The following POLK variants were observed in gnomAD, a reference collection of about 807,000 sequenced individuals.
POLK encodes DNA polymerase kappa.
POLK carries 76 observed loss-of-function variants against 94.0 expected under a neutral mutation model. That is an observed-to-expected ratio of 0.81 (90% confidence interval 0.67 to 0.98). The LOEUF (loss-of-function observed/expected upper bound fraction) is 0.98. Ranked by LOEUF, POLK falls within the 50% of genes least tolerant of loss-of-function variation. The pLI is 0.00. For missense variants in POLK, 954 were observed against 1,010.1 expected (o/e 0.94, Z 0.75); for synonymous variants, 349 against 325.4 (o/e 1.07, Z -0.78).
chr5:75,544,281 G>A (rs557091238), intron 1 of POLK, among the ~76,000 whole-genome samples: 3 of 152,246 alleles, frequency 2.0e-5, no homozygotes, highest in Non-Finnish European at 4.4e-5. Context: ...CAGCTATTTC[G>A]GAGGCTGAGG....
chr5:75,555,459 A>T (rs1163542089), intron 3 of POLK, among the ~76,000 whole-genome samples: 1 of 151,832 alleles, frequency 6.6e-6, no homozygotes, highest in Admixed American at 6.6e-5. Flanking sequence ...AAATGTATGC[A>T]TTTACATTTC....
chr5:75,555,232 G>T (rs915761522), intron 3 of POLK, among the ~76,000 whole-genome samples: 3 of 152,010 alleles, frequency 2.0e-5, no homozygotes, highest in Non-Finnish European at 4.4e-5. Flanking sequence ...GTACAGTGAG[G>T]TGCATCCACC....
chr5:75,523,988 G>C (rs1768711004), intron 1 of POLK, among the ~76,000 whole-genome samples: 1 of 152,104 alleles, frequency 6.6e-6, no homozygotes, highest in Non-Finnish European at 1.5e-5. Flanking sequence ...AAATTAGCCA[G>C]ATGTGCTGGC....
the POLK span, among the ~76,000 whole-genome samples, chr5:75,606,821 C>T: frequency 1.3e-5 from 2 of 152,144 alleles, no homozygotes; most frequent in Non-Finnish European, 2.9e-5. Context: ...TCAGCCTTGG[C>T]ACTGGTTGGA....
At chr5:75,589,141 GCA>G in intron 10 of POLK, among the ~76,000 whole-genome samples, 1 of 152,046 alleles carries the variant, frequency 6.6e-6, no homozygotes, top group African/African-American at 2.4e-5. Flanking sequence ...GTTACTCACT[GCA>G]TTTTTTATGA....
At chr5:75,593,427 T>A (rs1192145081) in intron 11 of POLK, among the ~76,000 whole-genome samples, 3 of 152,234 alleles carry the variant, frequency 2.0e-5, no homozygotes, top group African/African-American at 7.2e-5. Flanking sequence ...GGCCTCTTAT[T>A]CTTTATGATA....
In POLK at chr5:75,596,220, A is replaced by G. The variant is rs967939812; in HGVS notation, c.1529-2A>G. 1 of 1,504,310 alleles carries G rather than the reference A, an allele frequency of 6.6e-7. No individual in the cohort carries two copies. The highest frequency in any genetic ancestry group is 9.1e-7 in the Non-Finnish European group (1 of 1,097,950). 93.2% of individuals were successfully genotyped at this position (1,504,310 alleles called of 1,614,324 possible). On this transcript the variant is annotated splice_acceptor_variant, in intron 12 of 14. Coordinates refer to ENST00000241436, the Ensembl canonical transcript of POLK. LOFTEE classifies it high-confidence loss of function. ...AAATTGATTGTGATTGGTTTAATTT[A>G]GGTGTTCGGATATCTAGTTTTCCCA... is the stretch of plus-strand genomic sequence containing the variant.
rs201162116 is a variant in POLK, at chr5:75,552,463, C to T, written c.136-9C>T. The T allele has an allele frequency of 1.9e-6, 3 of 1,606,466 alleles. No homozygotes were observed. Among genetic ancestry groups the T allele is most frequent in the Non-Finnish European group, 2.5e-6 (3 of 1,177,450 alleles). ...TTTTTCTTATGCTTTGTTTTGTTTT[C>T]CTCCATAGGGGTCCAGATTTTATGG... On this transcript the variant is annotated splice_polypyrimidine_tract_variant and intron_variant, in intron 2 of 14. Transcript: ENST00000241436.
chr5:75,556,645 C>T (rs1302947342), intron 3 of POLK, among the ~76,000 whole-genome samples: 1 of 151,398 alleles, frequency 6.6e-6, no homozygotes, highest in African/African-American at 2.4e-5. Flanking sequence ...TATAGTTTTG[C>T]ATTTTACAGT....
chr5:75,513,627 T>C (rs184026697), intron 1 of POLK, among the ~76,000 whole-genome samples: 180 of 152,350 alleles, frequency 1.2e-3, no homozygotes, highest in African/African-American at 4.0e-3. Flanking sequence ...ATATTCTTAC[T>C]ATTCAATGAA....
At chr5:75,522,082 C>T (rs559739261) in intron 1 of POLK, among the ~76,000 whole-genome samples, 3 of 152,328 alleles carry the variant, frequency 2.0e-5, no homozygotes, top group East Asian at 3.9e-4. Context: ...CTCTGAGTGT[C>T]CTCAGGGCTG....
chr5:75,531,474 G>T (rs1360881800), intron 1 of POLK, among the ~76,000 whole-genome samples: 2 of 151,966 alleles, frequency 1.3e-5, no homozygotes, highest in Non-Finnish European at 1.5e-5. Context: ...GTGGGCTGTG[G>T]ACCAGTGCTT....
At chr5:75,581,164 T>C in intron 6 of POLK, 45 bp from the exon 7 acceptor site, 1 of 1,393,286 alleles carries the variant, frequency 7.2e-7, no homozygotes, top group Non-Finnish European at 1.0e-6. Context: ...ATGAAGTATA[T>C]ACTTCTTAAA....
chr5:75,584,898 T>C (rs539141792), exon 9 of POLK: 1 of 1,604,970 alleles, frequency 6.2e-7, no homozygotes, highest in East Asian at 2.2e-5. Context: ...TCATATCTCC[T>C]TGGGTCTAGG....
intron 1 of POLK, among the ~76,000 whole-genome samples, chr5:75,527,136 C>G (rs1221496536): frequency 6.6e-6 from 1 of 151,960 alleles, no homozygotes; most frequent in East Asian, 1.9e-4. Flanking sequence ...AAAAAGTCTC[C>G]AAGGAGAATA....
intron 6 of POLK, among the ~76,000 whole-genome samples, chr5:75,579,436 C>A (rs1772086433): frequency 6.6e-6 from 1 of 151,638 alleles, no homozygotes; most frequent in African/African-American, 2.4e-5. Context: ...GTGGCACAAT[C>A]TCAGCTCACT....
intron 13 of POLK, chr5:75,597,401 T>G: frequency 2.0e-6 from 1 of 489,512 alleles, no homozygotes; most frequent in Non-Finnish European, 3.6e-6. Context: ...TAGCACAGAA[T>G]GAACTCAAAG....
At chr5:75,594,076 TC>T in intron 12 of POLK, 27 bp downstream of exon 12, 1 of 1,504,274 alleles carries the variant, frequency 6.6e-7, no homozygotes, top group South Asian at 1.3e-5. Context: ...TTTTTGTTTT[TC>T]CTTAAATCTG....
chr5:75,533,723 A>G (rs1233890958), intron 1 of POLK, among the ~76,000 whole-genome samples: 2 of 152,234 alleles, frequency 1.3e-5, no homozygotes, highest in African/African-American at 4.8e-5. Context: ...ATCCATGAGC[A>G]TGGAATATTT....
Sources: gnomAD v4.1 joint callset for allele counts (sites outside exome capture counted in the v4.1 genomes callset) on GRCh38, gnomAD v4.1.1 for gene constraint, MANE v1.5 for transcripts, NCBI Gene and HGNC (gene_info 2026-07-23, HGNC 2026-07-21) for gene names.